NOX4: variants seen among roughly 807,000 people sequenced by gnomAD.
NOX4 encodes the protein kidney oxidase-1.
Under a neutral mutation model 87.6 loss-of-function variants are expected in NOX4, and 69 were observed. The ratio of observed to expected loss-of-function variants is 0.79; its 90% CI spans 0.65 to 0.96. NOX4 has a LOEUF of 0.96. NOX4 is among the 40% of genes least tolerant of loss of function. The pLI, the probability that NOX4 is intolerant of heterozygous loss-of-function variation, is 0.00. For synonymous variants in NOX4, 275 were observed against 238.2 expected, an observed-to-expected ratio of 1.15 and a Z score of -1.42; for missense variants, 680 against 681.5, an observed-to-expected ratio of 1.00 and a Z score of 0.02.
chr11:89,383,343 T>C (rs565575768), intron 11 of NOX4, among the ~76,000 whole-genome samples: 14 of 152,264 alleles, frequency 9.2e-5, no homozygotes, highest in South Asian at 2.1e-4. Context: ...CGGGACCCCG[T>C]TGGAAATCAA....
At chr11:89,379,856 C>T (rs369799301) in intron 11 of NOX4, among the ~76,000 whole-genome samples, 4 of 152,144 alleles carry the variant, frequency 2.6e-5, no homozygotes, top group East Asian at 3.9e-4. Context: ...CATCATACTT[C>T]GACTAGATGA....
chr11:89,440,735 A>ACT lies in NOX4; in HGVS notation c.448-21_448-20insAG. ...AGGATCCTGAGAAAAAGAAAAAAAA[A>ACT]TAAATGATTAAAAACTAAAGCACTG... On this transcript the variant is annotated intron_variant, in intron 5 of 17. Transcript: ENST00000263317. 1 of 1,432,846 alleles carries ACT rather than the reference A, an allele frequency of 7.0e-7. No homozygotes were observed. The highest frequency in any genetic ancestry group is 9.7e-7 in the Non-Finnish European group (1 of 1,034,220). 88.8% of individuals were successfully genotyped at this position (1,432,846 alleles called of 1,614,324 possible).
chr11:89,450,367 C>G (rs1944903732), intron 3 of NOX4, among the ~76,000 whole-genome samples: 1 of 152,144 alleles, frequency 6.6e-6, no homozygotes, highest in African/African-American at 2.4e-5. Flanking sequence ...GTTAACAACT[C>G]CTTTTAAAAT....
intron 7 of NOX4, among the ~76,000 whole-genome samples, chr11:89,427,639 G>A (rs1035125586): frequency 2.8e-4 from 42 of 152,096 alleles, no homozygotes; most frequent in Admixed American, 3.9e-4. Flanking sequence ...AAGATCAAAT[G>A]AATGAAATGA....
intron 6 of NOX4, among the ~76,000 whole-genome samples, chr11:89,438,947 TTTTATATATAATAATATATAATATATA>T (rs1944328815): frequency 1.3e-5 from 1 of 74,650 alleles, no homozygotes; most frequent in South Asian, 3.5e-4. Context: ...ATATATATTA[TTTTATATATAATAATATATAATATATA>T]ATTATATATT....
the NOX4 span, among the ~76,000 whole-genome samples, chr11:89,536,145 T>TC: frequency 7.3e-6 from 1 of 136,536 alleles, no homozygotes; most frequent in Non-Finnish European, 1.6e-5. Flanking sequence ...TTTCTTTTTT[T>TC]TTTTTTTTTT....
At chr11:89,394,971 A>C (rs933711691) in intron 11 of NOX4, among the ~76,000 whole-genome samples, 46 of 152,172 alleles carry the variant, frequency 3.0e-4, no homozygotes, top group African/African-American at 1.1e-3. Flanking sequence ...ATACGTGTGC[A>C]TGTGTCTTTA....
chr11:89,368,258 C>T (rs1480609547), intron 12 of NOX4, among the ~76,000 whole-genome samples: 1 of 151,960 alleles, frequency 6.6e-6, no homozygotes, highest in East Asian at 1.9e-4. Flanking sequence ...TAGAATTTGT[C>T]CAGTGGTATT....
chr11:89,495,386 G>C (rs116036830), upstream of NOX4, among the ~76,000 whole-genome samples: 340 of 152,112 alleles, frequency 2.2e-3, no homozygotes, highest in African/African-American at 7.7e-3. Context: ...CTCTGCCTCG[G>C]TGGTCACATT....
At chr11:89,365,422 G>A (rs1375775699) in intron 12 of NOX4, among the ~76,000 whole-genome samples, 1 of 149,454 alleles carries the variant, frequency 6.7e-6, no homozygotes, top group Non-Finnish European at 1.5e-5. Context: ...TTGCCACAGA[G>A]GCTAAACTAT....
At chr11:89,346,152 C>T (rs1166341022) in intron 13 of NOX4, among the ~76,000 whole-genome samples, 5 of 151,974 alleles carry the variant, frequency 3.3e-5, no homozygotes, top group Admixed American at 6.6e-5. Context: ...AAGCTGAGAG[C>T]GAAATCAAGA....
chr11:89,447,399 G>A (rs1207286381), intron 4 of NOX4, among the ~76,000 whole-genome samples: 1 of 152,044 alleles, frequency 6.6e-6, no homozygotes, highest in Admixed American at 6.6e-5. Context: ...ATAATTAAGG[G>A]ATATATTCAC....
At chr11:89,362,998 G>T (rs1938646218) in intron 12 of NOX4, among the ~76,000 whole-genome samples, 1 of 152,066 alleles carries the variant, frequency 6.6e-6, no homozygotes, top group Admixed American at 6.6e-5. Context: ...TGGGCTAAAG[G>T]TCTAGCAGAG....
the NOX4 span, among the ~76,000 whole-genome samples, chr11:89,588,408 T>A: frequency 6.6e-6 from 1 of 152,222 alleles, no homozygotes; most frequent in African/African-American, 2.4e-5. Context: ...CACTTTAGAC[T>A]GAAATTGTTT....
intron 8 of NOX4, among the ~76,000 whole-genome samples, chr11:89,421,005 G>A (rs1053774065): frequency 2.0e-5 from 3 of 152,166 alleles, no homozygotes; most frequent in Admixed American, 1.3e-4. Flanking sequence ...CCAATGCAAG[G>A]TAGACCATGC....
At chr11:89,586,889 A>T in the NOX4 span, among the ~76,000 whole-genome samples, 22 of 152,162 alleles carry the variant, frequency 1.4e-4, no homozygotes, top group Non-Finnish European at 3.1e-4. Context: ...TTAGATAACA[A>T]AGGTGAAAGG....
chr11:89,460,314 A>T (rs569274876), intron 2 of NOX4, among the ~76,000 whole-genome samples: 1 of 152,354 alleles, frequency 6.6e-6, no homozygotes, highest in Non-Finnish European at 1.5e-5. Flanking sequence ...GACAAATGGG[A>T]TCTAATTAAA....
intron 12 of NOX4, among the ~76,000 whole-genome samples, chr11:89,366,718 G>C (rs1013137774): frequency 7.3e-6 from 1 of 137,040 alleles, no homozygotes; most frequent in African/African-American, 2.8e-5. Context: ...AAAAAAAAAA[G>C]AACATTGTGA....
chr11:89,332,014 C>T (rs1945496646), intron 17 of NOX4, among the ~76,000 whole-genome samples: 1 of 151,650 alleles, frequency 6.6e-6, no homozygotes. Context: ...GACCTGTCTA[C>T]TAGACCTTTG....
Sources: allele counts gnomAD v4.1 joint callset (sites outside exome capture counted in the v4.1 genomes callset), GRCh38; gene constraint gnomAD v4.1.1; transcripts MANE v1.5; gene names NCBI Gene and HGNC (gene_info 2026-07-23, HGNC 2026-07-21).